Variants in SLC35G2 observed in about 807,000 individuals in gnomAD.
The protein encoded by SLC35G2 is transmembrane protein 22.
Under a neutral mutation model 27.2 loss-of-function variants are expected in SLC35G2, and 20 were observed. That is an observed-to-expected ratio of 0.74 (90% confidence interval 0.52 to 1.07). SLC35G2 has a LOEUF of 1.07. SLC35G2 is among the 50% of genes least tolerant of loss of function. The pLI, the probability that SLC35G2 is intolerant of heterozygous loss-of-function variation, is 0.00. For missense variants in SLC35G2, 416 were observed against 493.3 expected, an observed-to-expected ratio of 0.84 and a Z score of 1.48; for synonymous variants, 148 against 165.3, an observed-to-expected ratio of 0.90 and a Z score of 0.80.
At chr3:136,832,925 C>G (rs1936766999) in intron 1 of SLC35G2, among the ~76,000 whole-genome samples, 1 of 152,020 alleles carries the variant, frequency 6.6e-6, no homozygotes, top group Non-Finnish European at 1.5e-5. Context: ...AAAAATTAGC[C>G]AGGCATGGTG....
chr3:136,825,853 T>C (rs921074017), intron 1 of SLC35G2, among the ~76,000 whole-genome samples: 2 of 152,160 alleles, frequency 1.3e-5, no homozygotes, highest in Admixed American at 1.3e-4. Context: ...GATATTGGCC[T>C]GTAGTTTTCT....
chr3:136,831,654 ATTGCT>A (rs1218907764), intron 1 of SLC35G2, among the ~76,000 whole-genome samples: 1 of 152,178 alleles, frequency 6.6e-6, no homozygotes, highest in African/African-American at 2.4e-5. Context: ...TTTGCCAGAA[ATTGCT>A]TTGTTGGGCA....
rs1296546689 is a variant in SLC35G2, at chr3:136,819,274, C to G, written c.-373C>G. 6.6e-6 allele frequency: 1 copy of G among 152,320 alleles called. No homozygotes were observed. The highest frequency in any genetic ancestry group is 2.4e-5 in the African/African-American group (1 of 41,462). The allele number at this position is 152,320 out of a possible 1,614,324, so 9.4% of individuals were successfully genotyped here. A position where few individuals can be genotyped will look rare whatever the true frequency, so the allele number is the denominator to read the frequency against. On this transcript the variant is annotated 5_prime_UTR_variant, in exon 1 of 2. Transcript: ENST00000446465. ...GACTGGGACCTTGATCCTGCCTGCC[C>G]GGCCGCCCGACAAGGGAATGAGAGC...
rs1158527349 is a variant in SLC35G2, at chr3:136,855,103, G to T, written c.643G>T (p.Asp215Tyr). 1 of 1,614,178 alleles carries T rather than the reference G, an allele frequency of 6.2e-7. No individual in the cohort carries two copies. Among genetic ancestry groups the T allele is most frequent in the Admixed American group, 1.7e-5 (1 of 60,034 alleles). The stretch of plus-strand genomic sequence containing the variant: ...TGCCATTTTGGCTTTTTTACTCGTA[G>T]ATGAGAAAATGGCTTATGTTGACAT... ...FSAILAFLLV[D>Y]EKMAYVDMAT... Residue 215 changes from aspartate (D) to tyrosine (Y), a missense_variant, in exon 2 of 2, where the codon GAT becomes TAT. Physicochemically the swap from Asp to Tyr is radical, Grantham distance 160 (BLOSUM62 -3). Transcript: ENST00000446465.
At chr3:136,831,759 G>A (rs868711504) in intron 1 of SLC35G2, among the ~76,000 whole-genome samples, 1 of 152,262 alleles carries the variant, frequency 6.6e-6, no homozygotes. Flanking sequence ...TAGGACCTTG[G>A]TAAGCTTGGG....
Position 136,822,053 on chromosome 3 carries a change from C to A in SLC35G2, c.-19+2425C>A, listed in dbSNP as rs548005717. 9.2e-5 allele frequency among the ~76,000 whole-genome samples: 14 copies of A among 152,216 alleles called. No individual in the cohort carries two copies. In the South Asian group the frequency reaches 2.9e-3, roughly 32 times the overall value. Reference sequence around the variant, plus strand: ...ATAGGGATGCAACATGTTTAATAATCATATCATGGTAAATGGGGTATCCAT... The same window carrying A: ...ATAGGGATGCAACATGTTTAATAATAATATCATGGTAAATGGGGTATCCAT... On this transcript the variant is annotated intron_variant, in intron 1 of 1. Coordinates refer to ENST00000446465, the MANE Select transcript of SLC35G2 (RefSeq NM_025246.3).
chr3:136,846,053 C>T (rs1009653382), intron 1 of SLC35G2, among the ~76,000 whole-genome samples: 6 of 152,070 alleles, frequency 3.9e-5, no homozygotes, highest in African/African-American at 9.7e-5. Flanking sequence ...GGGTGGGCAT[C>T]GTCCAATCAG....
chr3:136,854,111 T>C (rs1937828660), intron 1 of SLC35G2, among the ~76,000 whole-genome samples: 1 of 152,196 alleles, frequency 6.6e-6, no homozygotes, highest in Admixed American at 6.5e-5. Flanking sequence ...TATCTTTCTG[T>C]GTTTTGCTTG....
chr3:136,853,831 G>A (rs1466893361), intron 1 of SLC35G2, among the ~76,000 whole-genome samples: 2 of 152,118 alleles, frequency 1.3e-5, no homozygotes, highest in African/African-American at 2.4e-5. Flanking sequence ...TGGTCCAACT[G>A]TTCACGAGAG....
intron 1 of SLC35G2, among the ~76,000 whole-genome samples, chr3:136,839,902 C>T (rs989784490): frequency 7.2e-5 from 11 of 152,180 alleles, no homozygotes; most frequent in African/African-American, 2.4e-4. Flanking sequence ...CTCCCCTCAT[C>T]TCCAAGTCCC....
At position 136,855,082 on chromosome 3, in the gene SLC35G2, AT is replaced by A; in HGVS notation, c.626del (p.Leu209TrpfsTer6). The A allele has an allele frequency of 6.2e-7, 1 of 1,614,196 alleles. No individual in the cohort carries two copies. The highest frequency in any genetic ancestry group is 8.5e-7 in the Non-Finnish European group (1 of 1,180,032). Reference sequence around the variant, plus strand: ...AGCCACAACTACAGTCTTCAGTGCCATTTTGGCTTTTTTACTCGTAGATGAG... The same window carrying A: ...AGCCACAACTACAGTCTTCAGTGCCATTTGGCTTTTTTACTCGTAGATGAG... ...WRATTTVFSAILAFLLVDEKM... is the reference protein window; with the variant it reads ...WRATTTVFSAXLAFLLVDEKM... On this transcript the variant is annotated frameshift_variant, in exon 2 of 2. Coordinates refer to ENST00000446465, the MANE Select transcript of SLC35G2 (RefSeq NM_025246.3). LOFTEE classifies it high-confidence loss of function.
chr3:136,850,176 TAC>T (rs1273531703), intron 1 of SLC35G2, among the ~76,000 whole-genome samples: 3 of 152,342 alleles, frequency 2.0e-5, no homozygotes, highest in South Asian at 2.1e-4. Context: ...ATCCAAGTGA[TAC>T]AGTTTGTTTC....
At chr3:136,824,977 C>G (rs1417961544) in intron 1 of SLC35G2, among the ~76,000 whole-genome samples, 1 of 152,088 alleles carries the variant, frequency 6.6e-6, no homozygotes, top group Non-Finnish European at 1.5e-5. Context: ...TGTTCAGCTC[C>G]CACCTATGAG....
At position 136,855,174 on chromosome 3, in the gene SLC35G2, C is replaced by T. The variant is rs776484442; in HGVS notation, c.714C>T (p.Ile238=). ...CSILGVCLVM[I]PNIVDEDNSL... Reference sequence around the variant, plus strand: ...TCTTAGGTGTTTGTCTTGTCATGATCCCAAACATTGTTGATGAAGACAATT... The same window carrying T: ...TCTTAGGTGTTTGTCTTGTCATGATTCCAAACATTGTTGATGAAGACAATT... Residue 238 remains isoleucine (I), a synonymous_variant, in exon 2 of 2, where the codon ATC becomes ATT. Transcript: ENST00000446465. 50 of 1,614,002 alleles carry T rather than the reference C, an allele frequency of 3.1e-5. No homozygotes were observed. Among genetic ancestry groups the T allele is most frequent in the Non-Finnish European group, 4.2e-5 (49 of 1,180,032 alleles).
In SLC35G2 at chr3:136,855,709, T is replaced by G; in HGVS notation, c.*10T>G. ...CTCTCCCATTAAATGAATACCTGATTATTATTGTCTCATTAATGTTCAGTT... is the reference window on the plus strand; with the variant it reads ...CTCTCCCATTAAATGAATACCTGATGATTATTGTCTCATTAATGTTCAGTT... On this transcript the variant is annotated 3_prime_UTR_variant, in exon 2 of 2. Coordinates refer to ENST00000446465, the MANE Select transcript of SLC35G2 (RefSeq NM_025246.3). 1 of 1,558,780 alleles carries G rather than the reference T, an allele frequency of 6.4e-7. No homozygotes were observed. The highest frequency in any genetic ancestry group is 8.8e-7 in the Non-Finnish European group (1 of 1,139,814).
chr3:136,832,071 T>C (rs1317305246), intron 1 of SLC35G2, among the ~76,000 whole-genome samples: 30 of 152,022 alleles, frequency 2.0e-4, no homozygotes, highest in African/African-American at 7.0e-4. Context: ...TGGAGTGCAG[T>C]GGCACGATCT....
At chr3:136,834,648 C>T (rs963907045) in intron 1 of SLC35G2, among the ~76,000 whole-genome samples, 3 of 152,144 alleles carry the variant, frequency 2.0e-5, no homozygotes, top group Admixed American at 2.0e-4. Flanking sequence ...TTCAGGACTT[C>T]ATCATCACCA....
At chr3:136,842,573 G>A (rs1010321600) in intron 1 of SLC35G2, 1 of 152,258 alleles carries the variant, frequency 6.6e-6, no homozygotes, top group African/African-American at 2.4e-5. Flanking sequence ...TTGCAACCTA[G>A]TGGCAAAGAT....
chr3:136,833,030 C>T (rs541844670), intron 1 of SLC35G2, among the ~76,000 whole-genome samples: 45 of 148,394 alleles, frequency 3.0e-4, no homozygotes, highest in African/African-American at 1.1e-3. Flanking sequence ...GATCGCGCCA[C>T]TGCACTCCAG....
Sources: allele counts gnomAD v4.1 joint callset (sites outside exome capture counted in the v4.1 genomes callset), GRCh38; gene constraint gnomAD v4.1.1; transcripts MANE v1.5; gene names NCBI Gene and HGNC (gene_info 2026-07-23, HGNC 2026-07-21).